Variants in FRMPD1 observed in about 807,000 individuals in gnomAD.
FRMPD1 encodes the protein FERM and PDZ domain-containing protein 1.
A neutral mutation model predicts 117.8 loss-of-function variants in FRMPD1; 76 were observed. The observed-to-expected ratio is 0.65, with a 90% CI of 0.54 to 0.78. The LOEUF (loss-of-function observed/expected upper bound fraction) is 0.78. Ranked by LOEUF, FRMPD1 falls within the 30% of genes least tolerant of loss-of-function variation. FRMPD1 has a pLI of 0.00. For synonymous variants in FRMPD1, 783 were observed against 770.4 expected (o/e 1.02, Z -0.27); for missense variants, 1,786 against 1,964.5 (o/e 0.91, Z 1.72).
chr9:37,744,452 C>T lies in FRMPD1; in HGVS notation c.2420C>T (p.Ser807Phe), dbSNP rs529478920. The T allele has an allele frequency of 1.2e-6, 2 of 1,614,068 alleles. No homozygotes were observed. The highest frequency in any genetic ancestry group is 1.7e-6 in the Non-Finnish European group (2 of 1,179,974). The change falls in exon 16 of 16, where the codon TCT (serine) becomes TTT (phenylalanine). Residue 807 changes from serine (S) to phenylalanine (F), a missense_variant. By Grantham distance (155) the Ser-to-Phe change is radical. Transcript: ENST00000377765. ...ATSLQNKAST[S>F]SPENSLPCGP... ...AGCTTGCAGAATAAGGCCAGCACTT[C>T]TAGCCCTGAGAACAGCCTGCCTTGT... is the stretch of plus-strand genomic sequence containing the variant.
Position 37,740,949 on chromosome 9 carries a change from G to A in FRMPD1, c.2356+65G>A, listed in dbSNP as rs1263383330. ...CTCCTGAGTGCCTCCCGGGGATCAA[G>A]GCCTGGGGCCAAGCTTGAGAGGAAG... On this transcript the variant is annotated intron_variant, in intron 15 of 15. Transcript: ENST00000377765. The surrounding 1 kb of genome is among the most constrained non-coding windows in gnomAD (Gnocchi z 4.2). 8.1e-7 allele frequency: 1 copy of A among 1,240,336 alleles called. No individual in the cohort carries two copies. Among genetic ancestry groups the A allele is most frequent in the African/African-American group, 1.5e-5 (1 of 67,658 alleles). The allele number at this position is 1,240,336 out of a possible 1,614,324, so 76.8% of individuals were successfully genotyped here. A position where few individuals can be genotyped will look rare whatever the true frequency, so the allele number is the denominator to read the frequency against.
Position 37,735,585 on chromosome 9 carries a change from G to C in FRMPD1, c.1252G>C (p.Val418Leu). 6.2e-7 allele frequency: 1 copy of C among 1,614,028 alleles called. No homozygotes were observed. The highest frequency in any genetic ancestry group is 1.1e-5 in the South Asian group (1 of 91,080). Residue 418 changes from valine (V) to leucine (L), a missense_variant, in exon 13 of 16, where the codon GTT (valine) becomes CTT (leucine). Transcript: ENST00000377765. ...QDRESYIALL[V>L]GAKYGISQVI... ...TAGAGAATCCTACATTGCCCTTCTAGTTGGAGCCAAGTATGGGATTAGCCA... is the reference window on the plus strand; with the variant it reads ...TAGAGAATCCTACATTGCCCTTCTACTTGGAGCCAAGTATGGGATTAGCCA...
intron 5 of FRMPD1, 129 bp downstream of exon 5, chr9:37,711,524 G>T (rs1822911275): frequency 2.7e-6 from 2 of 738,802 alleles, no homozygotes; most frequent in Admixed American, 1.9e-5. Flanking sequence ...CTGCCCGGCA[G>T]TGGGTGGCCA....
At chr9:37,678,415 C>T (rs1821607102) in intron 1 of FRMPD1, among the ~76,000 whole-genome samples, 1 of 151,996 alleles carries the variant, frequency 6.6e-6, no homozygotes, top group African/African-American at 2.4e-5. Context: ...CATGTGCCAT[C>T]ACGTCTGGCT....
the FRMPD1 span, chr9:37,636,738 G>C: frequency 1.3e-6 from 2 of 1,591,638 alleles, no homozygotes; most frequent in East Asian, 2.2e-5. Flanking sequence ...TCGATCTTGA[G>C]ATTGGGCCGC....
chr9:37,723,444 C>CTT (rs1174392128), intron 6 of FRMPD1, among the ~76,000 whole-genome samples: 1 of 152,142 alleles, frequency 6.6e-6, no homozygotes, highest in Non-Finnish European at 1.5e-5. Context: ...TGAAGAAATT[C>CTT]CCAAGTGCCA....
chr9:37,735,957 G>A (rs1462809390), intron 13 of FRMPD1, among the ~76,000 whole-genome samples: 1 of 151,932 alleles, frequency 6.6e-6, no homozygotes. Flanking sequence ...GATGGACCAT[G>A]TGCTTTCCTG....
chr9:37,625,995 C>T, the FRMPD1 span, among the ~76,000 whole-genome samples: 2 of 152,210 alleles, frequency 1.3e-5, no homozygotes, highest in Non-Finnish European at 2.9e-5. Flanking sequence ...GACCACGAGA[C>T]TAACCTGGCC....
Position 37,744,949 on chromosome 9 carries a change from A to C in FRMPD1, c.2917A>C (p.Asn973His), listed in dbSNP as rs757035300. 6.8e-6 allele frequency: 11 copies of C among 1,614,032 alleles called. No individual in the cohort carries two copies. The Admixed American group carries it at 1.8e-4, about 27-fold the overall frequency. ...SSSASTPHCS[N>H]PGSSGPDTAQ... ...CTCAGCAAGCACTCCTCACTGTTCT[A>C]ACCCAGGTTCATCTGGCCCAGATAC... The change falls in exon 16 of 16, where the codon AAC (asparagine) becomes CAC (histidine). Residue 973 changes from asparagine to histidine, a missense_variant. Asn to His is a moderately conservative substitution (Grantham distance 68). Transcript: ENST00000377765.
At chr9:37,677,329 T>C (rs1367259948) in intron 1 of FRMPD1, among the ~76,000 whole-genome samples, 1 of 152,218 alleles carries the variant, frequency 6.6e-6, no homozygotes, top group Non-Finnish European at 1.5e-5. Flanking sequence ...TAATCCTGCC[T>C]TCCTTACCCA....
At chr9:37,636,339 G>T in the FRMPD1 span, among the ~76,000 whole-genome samples, 1 of 152,184 alleles carries the variant, frequency 6.6e-6, no homozygotes, top group South Asian at 2.1e-4. Flanking sequence ...GAAGGGGAAG[G>T]AGAGAAACCC....
the FRMPD1 span, among the ~76,000 whole-genome samples, chr9:37,614,622 G>A: frequency 9.2e-5 from 14 of 152,290 alleles, no homozygotes; most frequent in South Asian, 2.1e-3. Flanking sequence ...CCTGAGGTTC[G>A]GAAGTCTAAT....
chr9:37,657,875 C>G (rs982347828), intron 1 of FRMPD1, among the ~76,000 whole-genome samples: 2 of 152,120 alleles, frequency 1.3e-5, no homozygotes, highest in South Asian at 2.1e-4. Flanking sequence ...CAGCCTCCCT[C>G]TGCTTGGACC....
At chr9:37,639,658 C>A in the FRMPD1 span, among the ~76,000 whole-genome samples, 2 of 152,324 alleles carry the variant, frequency 1.3e-5, no homozygotes, top group East Asian at 3.9e-4. Flanking sequence ...GATGTCCATA[C>A]ATCCATGGGC....
intron 6 of FRMPD1, among the ~76,000 whole-genome samples, chr9:37,721,756 G>A (rs1278116096): frequency 6.6e-6 from 1 of 152,150 alleles, no homozygotes; most frequent in East Asian, 1.9e-4. Flanking sequence ...ATTGTCTAGG[G>A]CAGAGGAATT....
the FRMPD1 span, among the ~76,000 whole-genome samples, chr9:37,617,977 T>A: frequency 6.6e-6 from 1 of 152,152 alleles, no homozygotes; most frequent in Non-Finnish European, 1.5e-5. Flanking sequence ...CAGCTAGTGA[T>A]GTTCGGATGA....
intron 2 of FRMPD1, 48 bp downstream of exon 2, chr9:37,692,790 C>G (rs765259210): frequency 7.5e-7 from 1 of 1,326,100 alleles, no homozygotes; most frequent in South Asian, 1.2e-5. Flanking sequence ...GTCTGGTGTC[C>G]CGGGGGAGGA....
intron 1 of FRMPD1, among the ~76,000 whole-genome samples, chr9:37,691,975 G>T (rs920913763): frequency 1.3e-5 from 2 of 152,166 alleles, no homozygotes; most frequent in African/African-American, 4.8e-5. Context: ...CAGTGATTAT[G>T]TATGGGCATG....
intron 14 of FRMPD1, among the ~76,000 whole-genome samples, chr9:37,737,548 G>C (rs374750800): frequency 2.6e-5 from 4 of 152,132 alleles, no homozygotes; most frequent in African/African-American, 9.7e-5. Flanking sequence ...TCTCAGCCAG[G>C]CATTGTGGCT....
Sources: gnomAD v4.1 joint callset for allele counts (sites outside exome capture counted in the v4.1 genomes callset) on GRCh38, gnomAD v4.1.1 for gene constraint, Gnocchi (gnomAD v3.1) non-coding constraint, MANE v1.5 for transcripts, NCBI Gene and HGNC (gene_info 2026-07-23, HGNC 2026-07-21) for gene names.